LYPD6: variants seen among roughly 807,000 people sequenced by gnomAD.
LYPD6 encodes the protein LY6/PLAUR domain containing 6, also known as ly6/PLAUR domain-containing protein 6.
A neutral mutation model predicts 22.7 loss-of-function variants in LYPD6; 15 were observed. The ratio of observed to expected loss-of-function variants is 0.66; its 90% CI spans 0.44 to 1.02. The LOEUF (loss-of-function observed/expected upper bound fraction) is 1.02, where lower values mean the gene tolerates loss of function less well. Ranked by LOEUF, LYPD6 falls within the 50% of genes least tolerant of loss-of-function variation. LYPD6 has a pLI of 0.00. For missense variants in LYPD6, 189 were observed against 208.4 expected, an observed-to-expected ratio of 0.91 and a Z score of 0.57; for synonymous variants, 72 against 77.5, an observed-to-expected ratio of 0.93 and a Z score of 0.37.
chr2:149,480,852 G>A, the LYPD6 span, among the ~76,000 whole-genome samples: 1 of 152,138 alleles, frequency 6.6e-6, no homozygotes, highest in African/African-American at 2.4e-5. Context: ...CAGTCATGGA[G>A]CAAAGTAAGA....
intron 1 of LYPD6, among the ~76,000 whole-genome samples, chr2:149,381,186 GAA>G (rs1227874394): frequency 6.6e-6 from 1 of 152,166 alleles, no homozygotes; most frequent in African/African-American, 2.4e-5. Flanking sequence ...AAAAGGAAGA[GAA>G]GAATAGTCTG....
At chr2:149,454,204 A>T (rs921153797) in intron 3 of LYPD6, among the ~76,000 whole-genome samples, 1 of 152,234 alleles carries the variant, frequency 6.6e-6, no homozygotes, top group Admixed American at 6.5e-5. Context: ...TGAAGAGATC[A>T]TAAGTGCACA....
intron 1 of LYPD6, among the ~76,000 whole-genome samples, chr2:149,344,502 G>T (rs147625281): frequency 2.6e-5 from 4 of 152,144 alleles, no homozygotes; most frequent in Non-Finnish European, 4.4e-5. Context: ...GTTTTATTCC[G>T]ACAGAGGCGT....
chr2:149,370,889 C>T (rs533994592), intron 1 of LYPD6, among the ~76,000 whole-genome samples: 1 of 152,220 alleles, frequency 6.6e-6, no homozygotes, highest in African/African-American at 2.4e-5. Flanking sequence ...GAGCCTAGGA[C>T]TTCGAAGTTA....
chr2:149,415,570 T>C (rs999346783), intron 1 of LYPD6, among the ~76,000 whole-genome samples: 1 of 151,820 alleles, frequency 6.6e-6, no homozygotes, highest in African/African-American at 2.4e-5. Context: ...GCTATCAGAC[T>C]GCAATGCAGG....
intron 1 of LYPD6, among the ~76,000 whole-genome samples, chr2:149,336,935 G>GTGTGTGTA (rs1211646929): frequency 2.3e-4 from 34 of 149,674 alleles, no homozygotes; most frequent in Non-Finnish European, 4.4e-4. Context: ...TAACGTGTGT[G>GTGTGTGTA]TGTGTGTGTG....
chr2:149,414,520 C>T (rs948051145), intron 1 of LYPD6, among the ~76,000 whole-genome samples: 3 of 152,010 alleles, frequency 2.0e-5, no homozygotes, highest in Non-Finnish European at 4.4e-5. Flanking sequence ...ATATTAAAAT[C>T]GCCTCAAATA....
chr2:149,435,236 C>T (rs908735032), intron 1 of LYPD6, among the ~76,000 whole-genome samples: 10 of 152,258 alleles, frequency 6.6e-5, no homozygotes, highest in African/African-American at 2.4e-4. Context: ...TGAGAAATCT[C>T]TGTTGTATAA....
chr2:149,427,216 G>T (rs1034706192), intron 1 of LYPD6, among the ~76,000 whole-genome samples: 1 of 152,120 alleles, frequency 6.6e-6, no homozygotes, highest in South Asian at 2.1e-4. Context: ...AGACCTGGCT[G>T]CAATTTAGTT....
intron 1 of LYPD6, among the ~76,000 whole-genome samples, chr2:149,401,952 A>G (rs1682565992): frequency 1.3e-5 from 2 of 152,086 alleles, no homozygotes; most frequent in Non-Finnish European, 2.9e-5. Context: ...ATGAGTGAGA[A>G]CATGTGATGT....
intron 1 of LYPD6, among the ~76,000 whole-genome samples, chr2:149,410,475 G>T (rs372293770): frequency 6.6e-6 from 1 of 152,142 alleles, no homozygotes; most frequent in Non-Finnish European, 1.5e-5. Context: ...TTCTAGTGCT[G>T]TGACTAAGGT....
chr2:149,477,352 G>A (rs1681461512), downstream of LYPD6, among the ~76,000 whole-genome samples: 2 of 152,084 alleles, frequency 1.3e-5, no homozygotes, highest in African/African-American at 4.8e-5. Flanking sequence ...GCCGGGCGTG[G>A]TGGCTCACGC....
intron 1 of LYPD6, among the ~76,000 whole-genome samples, chr2:149,382,065 C>T (rs1465479246): frequency 6.6e-6 from 1 of 151,984 alleles, no homozygotes; most frequent in African/African-American, 2.4e-5. Flanking sequence ...AGTTATAGTC[C>T]AGTGTATAGC....
chr2:149,469,293 A>G (rs534160423), intron 4 of LYPD6, among the ~76,000 whole-genome samples: 1 of 152,294 alleles, frequency 6.6e-6, no homozygotes, highest in African/African-American at 2.4e-5. Flanking sequence ...TGGTACCTGT[A>G]GAAGCCTGTA....
At chr2:149,353,068 CAG>C (rs1681388443) in intron 1 of LYPD6, among the ~76,000 whole-genome samples, 1 of 152,172 alleles carries the variant, frequency 6.6e-6, no homozygotes, top group South Asian at 2.1e-4. Flanking sequence ...ATTGTGACTC[CAG>C]CATATTGCAG....
At chr2:149,367,206 T>C (rs947612358) in intron 1 of LYPD6, among the ~76,000 whole-genome samples, 5 of 152,142 alleles carry the variant, frequency 3.3e-5, no homozygotes, top group Non-Finnish European at 7.4e-5. Context: ...AAGGCTGCAA[T>C]CGGTTGTTAG....
At chr2:149,391,815 C>T (rs1457758696) in intron 1 of LYPD6, among the ~76,000 whole-genome samples, 1 of 152,170 alleles carries the variant, frequency 6.6e-6, no homozygotes, top group African/African-American at 2.4e-5. Flanking sequence ...TGGCTATGTG[C>T]ATCCCTATTG....
chr2:149,363,858 A>G (rs758228900), intron 1 of LYPD6, among the ~76,000 whole-genome samples: 11 of 152,144 alleles, frequency 7.2e-5, no homozygotes, highest in Non-Finnish European at 1.6e-4. Context: ...GTAGGGGCTT[A>G]ATAATATTTG....
upstream of LYPD6, chr2:149,330,347 G>C (rs1162713150): frequency 6.6e-6 from 1 of 151,218 alleles, no homozygotes; most frequent in East Asian, 2.0e-4. Flanking sequence ...CCGGGCGGTC[G>C]GCTCCCGCTG....
Sources: allele counts gnomAD v4.1 joint callset (sites outside exome capture counted in the v4.1 genomes callset), GRCh38; gene constraint gnomAD v4.1.1; transcripts MANE v1.5; gene names NCBI Gene and HGNC (gene_info 2026-07-23, HGNC 2026-07-21).